The following OPA3 variants were observed in gnomAD, a reference collection of about 807,000 sequenced individuals.
OPA3 encodes the protein outer mitochondrial membrane lipid metabolism regulator OPA3, also known as optic atrophy 3 protein.
OPA3 carries 6 observed loss-of-function variants against 4.0 expected under a neutral mutation model. The observed-to-expected ratio is 1.51, with a 90% confidence interval of 0.83 to 2.99. OPA3 has a LOEUF of 2.99. OPA3 is among the 30% of genes most tolerant of loss of function. The pLI, the probability that OPA3 is intolerant of heterozygous loss-of-function variation, is 0.00. For synonymous variants in OPA3, 105 were observed against 117.1 expected (o/e 0.90, Z 0.67); for missense variants, 235 against 256.2 (o/e 0.92, Z 0.56).
At chr19:45,571,091 T>A (rs746055756) in intron 1 of OPA3, among the ~76,000 whole-genome samples, 2 of 152,044 alleles carry the variant, frequency 1.3e-5, no homozygotes, top group Admixed American at 1.3e-4. Context: ...TACTATTATA[T>A]GTTAGCGCTA....
At chr19:45,554,019 T>C (rs957470754) in intron 1 of OPA3, 108 bp from the exon 2 acceptor site, 17 of 837,480 alleles carry the variant, frequency 2.0e-5, no homozygotes, top group African/African-American at 1.9e-4. Flanking sequence ...AGGGGTCTTT[T>C]AAAAGACCAG....
In OPA3 at chr19:45,567,630, T is replaced by A. The variant is rs184162409; in HGVS notation, c.143-13719A>T. ...TACTCATTGAACTGTAGCCTTTAGA[T>A]CTGTACCTTGCATTGTACAGATACT... On this transcript the variant is annotated intron_variant, in intron 1 of 1. Transcript: ENST00000263275. Among the ~76,000 whole-genome samples, 353 of 152,226 alleles carry A rather than the reference T, an allele frequency of 2.3e-3. 2 individuals are homozygous for A. The highest frequency in any genetic ancestry group is 7.6e-3 in the African/African-American group (315 of 41,544).
intron 1 of OPA3, among the ~76,000 whole-genome samples, chr19:45,554,881 C>T (rs1969397487): frequency 2.0e-5 from 3 of 152,150 alleles, no homozygotes; most frequent in African/African-American, 7.2e-5. Flanking sequence ...ACCTCCTCCT[C>T]CCAGGTTCAA....
intron 1 of OPA3, among the ~76,000 whole-genome samples, chr19:45,536,261 G>T (rs185598857): frequency 0.014 from 2,115 of 149,526 alleles, 47 homozygotes; most frequent in African/African-American, 0.05. Flanking sequence ...AAAAAAATGT[G>T]GGCCGGGCAC....
At chr19:45,584,139 TA>T (rs1203288931) in intron 1 of OPA3, among the ~76,000 whole-genome samples, 1 of 151,502 alleles carries the variant, frequency 6.6e-6, no homozygotes, top group Non-Finnish European at 1.5e-5. Flanking sequence ...TTGACTACAG[TA>T]AAACTGAGGC....
At chr19:45,545,161 T>C, downstream of OPA3, among the ~76,000 whole-genome samples, 1 of 86,742 alleles carries the variant, frequency 1.2e-5, no homozygotes, top group Admixed American at 1.5e-4. Flanking sequence ...CAAGACACCG[T>C]CTCAAAAAAA....
intron 1 of OPA3, among the ~76,000 whole-genome samples, chr19:45,539,853 G>C (rs1049083381): frequency 1.3e-5 from 2 of 152,078 alleles, no homozygotes; most frequent in South Asian, 4.1e-4. Flanking sequence ...AATCTATTAA[G>C]GCAGAAAGTA....
At position 45,549,237 on chromosome 19, in the gene OPA3, T is replaced by G; in HGVS notation, c.*4277A>C. The G allele has an allele frequency of 1.0e-6, 1 of 985,448 alleles. No homozygotes were observed. Among genetic ancestry groups the G allele is most frequent in the South Asian group, 4.7e-5 (1 of 21,290 alleles). The allele number at this position is 985,448 out of a possible 1,614,324, so 61.0% of individuals were successfully genotyped here. On this transcript the variant is annotated 3_prime_UTR_variant, in exon 2 of 2. Coordinates refer to ENST00000263275, the MANE Select transcript of OPA3 (RefSeq NM_025136.4). ...TCTAGCTAGCAGAACACACGAGCAGTGAACCATCCTCTGGCCTCTTGCATT... is the reference window on the plus strand; with the variant it reads ...TCTAGCTAGCAGAACACACGAGCAGGGAACCATCCTCTGGCCTCTTGCATT...
Position 45,580,600 on chromosome 19 carries a change from CTATTTATT to C in OPA3, c.142+4015_142+4022del, listed in dbSNP as rs71173184. ...GAGGCACCGCGCCCAGCACAGAAGC[CTATTTATT>C]TATTTATTTATTTATTTATTTATTT... On this transcript the variant is annotated intron_variant, in intron 1 of 1. Transcript: ENST00000263275. Among the ~76,000 whole-genome samples the C allele has an allele frequency of 2.2e-3, 297 of 137,718 alleles. 1 individual carries two copies. The highest frequency in any genetic ancestry group is 6.3e-3 in the African/African-American group (234 of 37,058). 90.3% of individuals were successfully genotyped at this position (137,718 alleles called of 152,430 possible). A position where few individuals can be genotyped will look rare whatever the true frequency, so the allele number is the denominator to read the frequency against.
At chr19:45,564,217 A>G (rs1969547725) in intron 1 of OPA3, among the ~76,000 whole-genome samples, 1 of 152,042 alleles carries the variant, frequency 6.6e-6, no homozygotes, top group South Asian at 2.1e-4. Context: ...GAGGGAATCA[A>G]TGCAAGCCTT....
At chr19:45,576,776 C>T (rs2122506970) in intron 1 of OPA3, among the ~76,000 whole-genome samples, 1 of 152,268 alleles carries the variant, frequency 6.6e-6, no homozygotes, top group East Asian at 1.9e-4. Flanking sequence ...TATAAGGACC[C>T]CTGTGATCAC....
At chr19:45,533,683 A>T (rs1445010050) in intron 1 of OPA3, among the ~76,000 whole-genome samples, 37 of 152,170 alleles carry the variant, frequency 2.4e-4, no homozygotes, top group Admixed American at 2.4e-3. Context: ...CTGTTGGTTG[A>T]ATGCAAAGCA....
intron 1 of OPA3, among the ~76,000 whole-genome samples, chr19:45,582,650 T>A (rs567719295): frequency 6.6e-6 from 1 of 152,008 alleles, no homozygotes. Flanking sequence ...AGCTGTCTTC[T>A]TGCGCTCAGT....
In OPA3 at chr19:45,569,925, C is replaced by CA. The variant is rs542502780; in HGVS notation, c.142+14697dup. ...TCCTCAGGGCTTACTGAAAAGCCAG[C>CA]AAAAAACACCCTTTTGATTTAAGGT... On this transcript the variant is annotated intron_variant, in intron 1 of 1. Transcript: ENST00000263275. 1.8e-4 allele frequency among the ~76,000 whole-genome samples: 28 copies of CA among 152,066 alleles called. No individual in the cohort carries two copies. The East Asian group carries it at 5.2e-3, about 28-fold the overall frequency.
At chr19:45,572,820 T>G (rs1474635717) in intron 1 of OPA3, among the ~76,000 whole-genome samples, 1 of 144,092 alleles carries the variant, frequency 6.9e-6, no homozygotes, top group Non-Finnish European at 1.5e-5. Flanking sequence ...TATATAGATA[T>G]ATATCTCGAT....
At position 45,549,924 on chromosome 19, in the gene OPA3, G is replaced by A. The variant is rs911715259; in HGVS notation, c.*3590C>T. ...TGTAATCCCAGCACTTTGGGAGGCC[G>A]AGGCGGGCGGATTACCTGAGGTCAG... On this transcript the variant is annotated 3_prime_UTR_variant, in exon 2 of 2. Transcript: ENST00000263275. 7.4e-6 allele frequency: 7 copies of A among 948,674 alleles called. No individual in the cohort carries two copies. The highest frequency in any genetic ancestry group is 5.3e-5 in the African/African-American group (3 of 56,394). The allele number at this position is 948,674 out of a possible 1,614,324, so 58.8% of individuals were successfully genotyped here. A position where few individuals can be genotyped will look rare whatever the true frequency, so the allele number is the denominator to read the frequency against.
chr19:45,528,692 T>G, exon 2 of OPA3: 1 of 241,134 alleles, frequency 4.1e-6, no homozygotes, highest in Admixed American at 5.1e-5. Context: ...GTGCAGAATT[T>G]TGTTTTGCCA....
rs1969365803 is a variant in OPA3 at position 45,553,398 on chromosome 19, G to A, written c.*116C>T. On this transcript the variant is annotated 3_prime_UTR_variant, in exon 2 of 2. Coordinates refer to ENST00000263275, the MANE Select transcript of OPA3 (RefSeq NM_025136.4). ...ATCAGCAGGGGTAACCAAATGCCAA[G>A]TTGCATCAAGATCCTGGTGGTTTCC... 6.3e-7 allele frequency: 1 copy of A among 1,591,452 alleles called. No individual in the cohort carries two copies. The highest frequency in any genetic ancestry group is 8.5e-7 in the Non-Finnish European group (1 of 1,175,648).
At chr19:45,574,409 A>G (rs1335202308) in intron 1 of OPA3, among the ~76,000 whole-genome samples, 5 of 151,574 alleles carry the variant, frequency 3.3e-5, no homozygotes, top group Middle Eastern at 3.2e-3. Context: ...AAAAAAAAAA[A>G]AAAAAGAAAA....
Sources: gnomAD v4.1 joint callset for allele counts (sites outside exome capture counted in the v4.1 genomes callset) on GRCh38, gnomAD v4.1.1 for gene constraint, MANE v1.5 for transcripts, NCBI Gene and HGNC (gene_info 2026-07-23, HGNC 2026-07-21) for gene names.